ROBO2: variants seen among roughly 807,000 people sequenced by gnomAD.
ROBO2 encodes roundabout guidance receptor 2.
ROBO2 carries 53 observed loss-of-function variants against 160.8 expected under a neutral mutation model. That is an observed-to-expected ratio of 0.33 (90% confidence interval 0.26 to 0.41). The LOEUF is 0.41. Ranked by LOEUF, ROBO2 falls within the 10% of genes least tolerant of loss-of-function variation. ROBO2 has a pLI of 1.00. For synonymous variants in ROBO2, 664 were observed against 611.7 expected, an observed-to-expected ratio of 1.09 and a Z score of -1.26; for missense variants, 1,577 against 1,722.4, an observed-to-expected ratio of 0.92 and a Z score of 1.49.
intron 2 of ROBO2, among the ~76,000 whole-genome samples, chr3:76,288,317 G>T (rs1195399876): frequency 6.6e-6 from 1 of 152,022 alleles, no homozygotes; most frequent in African/African-American, 2.4e-5. Flanking sequence ...GAGCCCAGTA[G>T]TCTATTTCTT....
At chr3:75,916,439 G>A (rs1328572931) in intron 1 of ROBO2, among the ~76,000 whole-genome samples, 1 of 152,044 alleles carries the variant, frequency 6.6e-6, no homozygotes, top group East Asian at 1.9e-4. Flanking sequence ...AGCTCACATG[G>A]TAGGCAACAG....
chr3:76,838,299 G>T (rs998537369), intron 2 of ROBO2, among the ~76,000 whole-genome samples: 4 of 152,002 alleles, frequency 2.6e-5, no homozygotes, highest in African/African-American at 9.7e-5. Context: ...TAATTCCTGG[G>T]TGATGAAATA....
intron 2 of ROBO2, among the ~76,000 whole-genome samples, chr3:76,618,846 T>C (rs1319718189): frequency 1.3e-5 from 2 of 151,770 alleles, no homozygotes; most frequent in Non-Finnish European, 2.9e-5. Flanking sequence ...AATTTTACTA[T>C]GTCACTATAT....
At chr3:76,561,834 A>G (rs976213646) in intron 2 of ROBO2, among the ~76,000 whole-genome samples, 12 of 152,154 alleles carry the variant, frequency 7.9e-5, no homozygotes, top group African/African-American at 2.7e-4. Context: ...TAATGACATA[A>G]GCCTTTTCTC....
intron 1 of ROBO2, among the ~76,000 whole-genome samples, chr3:77,083,483 T>G: frequency 6.6e-6 from 1 of 152,156 alleles, no homozygotes; most frequent in East Asian, 1.9e-4. Context: ...AATCACTAAC[T>G]GTTCCAAAAT....
intron 2 of ROBO2, among the ~76,000 whole-genome samples, chr3:76,146,774 A>G (rs1005199967): frequency 1.8e-5 from 2 of 110,702 alleles, no homozygotes; most frequent in African/African-American, 5.9e-5. Flanking sequence ...TTAGAATTCT[A>G]TCATTACCAC....
chr3:77,127,829 G>T (rs189470927), intron 2 of ROBO2, among the ~76,000 whole-genome samples: 1 of 152,284 alleles, frequency 6.6e-6, no homozygotes, highest in East Asian at 1.9e-4. Flanking sequence ...ACACCAGTCA[G>T]TTGAGAGGTT....
chr3:77,575,311 G>C (rs1253279359), intron 14 of ROBO2, among the ~76,000 whole-genome samples: 1 of 151,906 alleles, frequency 6.6e-6, no homozygotes, highest in Non-Finnish European at 1.5e-5. Flanking sequence ...TCATTTAGTA[G>C]TATCTCTTTC....
chr3:76,177,211 T>C (rs2073263198), intron 2 of ROBO2, among the ~76,000 whole-genome samples: 1 of 152,174 alleles, frequency 6.6e-6, no homozygotes, highest in African/African-American at 2.4e-5. Context: ...GATAATCCTT[T>C]ATTATATAAG....
intron 2 of ROBO2, among the ~76,000 whole-genome samples, chr3:75,969,739 C>A (rs2064936806): frequency 6.6e-6 from 1 of 151,464 alleles, no homozygotes; most frequent in South Asian, 2.1e-4. Flanking sequence ...ATTTATCAGT[C>A]GGATTGTTTT....
intron 2 of ROBO2, among the ~76,000 whole-genome samples, chr3:76,427,096 T>C (rs1248524364): frequency 6.6e-6 from 1 of 152,162 alleles, no homozygotes; most frequent in Admixed American, 6.6e-5. Flanking sequence ...CTAGTCGAAA[T>C]TGATCAGTAA....
intron 2 of ROBO2, among the ~76,000 whole-genome samples, chr3:76,292,957 AC>A (rs1355110519): frequency 1.4e-5 from 2 of 148,008 alleles, no homozygotes; most frequent in Non-Finnish European, 3.0e-5. Flanking sequence ...GTCAGAAAGT[AC>A]TAGGGTTTTT....
chr3:77,601,522 T>G (rs2094429706), intron 19 of ROBO2, among the ~76,000 whole-genome samples: 1 of 152,194 alleles, frequency 6.6e-6, no homozygotes, highest in Admixed American at 6.5e-5. Flanking sequence ...TCTAGCTGTA[T>G]TACAACATGA....
rs1013369925 is a variant in ROBO2 at position 76,398,369 on chromosome 3, A to G, written c.109+460767A>G. ...AGGGATAGCATTAGGAGATATACCT[A>G]ATGCTAAATGACAAGTTAATGGGTG... On this transcript the variant is annotated intron_variant, in intron 2 of 26. Coordinates refer to the ROBO2 transcript ENST00000487694. Among the ~76,000 whole-genome samples the G allele has an allele frequency of 1.3e-4, 19 of 151,958 alleles. 1 individual carries two copies. Among genetic ancestry groups the G allele is most frequent in the African/African-American group, 4.6e-4 (19 of 41,434 alleles).
chr3:76,273,140 TATATATAC>T (rs1707695371), intron 2 of ROBO2, among the ~76,000 whole-genome samples: 1 of 113,156 alleles, frequency 8.8e-6, no homozygotes, highest in Non-Finnish European at 1.8e-5. Flanking sequence ...TATATATATA[TATATATAC>T]ACATTTCTAT....
intron 2 of ROBO2, among the ~76,000 whole-genome samples, chr3:76,821,058 T>G (rs966142798): frequency 4.6e-5 from 7 of 151,986 alleles, no homozygotes; most frequent in Admixed American, 2.0e-4. Flanking sequence ...TATTTGAAGG[T>G]GTAATTGTAT....
chr3:77,123,180 C>T (rs971846451), intron 2 of ROBO2, among the ~76,000 whole-genome samples: 1 of 151,972 alleles, frequency 6.6e-6, no homozygotes, highest in Non-Finnish European at 1.5e-5. Flanking sequence ...GGAGTATTAA[C>T]AATAGTAAAG....
intron 2 of ROBO2, among the ~76,000 whole-genome samples, chr3:76,991,898 T>C (rs2060684862): frequency 6.6e-6 from 1 of 152,130 alleles, no homozygotes; most frequent in East Asian, 1.9e-4. Context: ...TATCCTCAAA[T>C]GCAGGGTTAT....
chr3:76,405,830 G>C (rs1256846057), intron 2 of ROBO2, among the ~76,000 whole-genome samples: 2 of 151,670 alleles, frequency 1.3e-5, no homozygotes, highest in African/African-American at 4.8e-5. Context: ...TTGCCAGGTG[G>C]TGCATATGGA....
Sources: allele counts gnomAD v4.1 joint callset (sites outside exome capture counted in the v4.1 genomes callset), GRCh38; gene constraint gnomAD v4.1.1; transcripts MANE v1.5; gene names NCBI Gene and HGNC (gene_info 2026-07-23, HGNC 2026-07-21).